The following EYS variants were observed in gnomAD, a reference collection of about 807,000 sequenced individuals.
The protein encoded by EYS is EGF-like photoreceptor maintenance factor, also known as protein eyes shut homolog.
EYS carries 250 observed loss-of-function variants against 282.1 expected under a neutral mutation model. The observed-to-expected ratio is 0.89, with a 90% CI of 0.80 to 0.98. EYS has a LOEUF of 0.98. Among genes scored for constraint, EYS ranks in the 50% least tolerant of loss-of-function variants. The pLI is 0.00. For synonymous variants in EYS, 1,355 were observed against 1,282.9 expected (o/e 1.06, Z -1.20); for missense variants, 4,016 against 3,709.0 (o/e 1.08, Z -2.15).
intron 2 of EYS, among the ~76,000 whole-genome samples, chr6:65,519,883 A>G (rs1767299459): frequency 1.6e-5 from 2 of 125,306 alleles, no homozygotes; most frequent in Admixed American, 7.8e-5. Context: ...CACTTGGCTA[A>G]TTTTTCTATT....
intron 12 of EYS, among the ~76,000 whole-genome samples, chr6:65,147,876 G>T (rs774558814): frequency 6.6e-6 from 1 of 152,066 alleles, no homozygotes; most frequent in Non-Finnish European, 1.5e-5. Flanking sequence ...TTACAAGGTG[G>T]CAGGACAGAG....
chr6:65,270,907 C>G (rs1176984025), intron 12 of EYS, among the ~76,000 whole-genome samples: 1 of 151,566 alleles, frequency 6.6e-6, no homozygotes, highest in Non-Finnish European at 1.5e-5. Flanking sequence ...AAAACAGAAA[C>G]TTTCTCTACC....
In EYS at chr6:64,888,911, A is replaced by T. The variant is rs112893081; in HGVS notation, c.2847-2069T>A. Reference sequence around the variant, plus strand: ...GCAGTGAAAGGTATCTCAAGAAATGATTTGTTTCATACTGACAAATTTAAA... The same window carrying T: ...GCAGTGAAAGGTATCTCAAGAAATGTTTTGTTTCATACTGACAAATTTAAA... On this transcript the variant is annotated intron_variant, in intron 18 of 42. Transcript: ENST00000503581. Among the ~76,000 whole-genome samples the T allele has an allele frequency of 4.2e-3, 639 of 152,190 alleles. 2 individuals carry two copies. Among genetic ancestry groups the T allele is most frequent in the African/African-American group, 0.015 (603 of 41,570 alleles).
At chr6:65,443,680 A>G (rs1316164265) in intron 5 of EYS, among the ~76,000 whole-genome samples, 1 of 150,860 alleles carries the variant, frequency 6.6e-6, no homozygotes, top group Non-Finnish European at 1.5e-5. Flanking sequence ...CATCATATAC[A>G]CACATACACA....
intron 2 of EYS, among the ~76,000 whole-genome samples, chr6:65,516,183 G>T (rs1767127877): frequency 6.6e-6 from 1 of 151,952 alleles, no homozygotes; most frequent in African/African-American, 2.4e-5. Context: ...CACATAGCAG[G>T]TTTTCAGTTA....
chr6:64,027,429 A>G (rs6901967), intron 33 of EYS, among the ~76,000 whole-genome samples: 65,714 of 151,900 alleles, frequency 0.43, 15,602 homozygotes, highest in African/African-American at 0.64. Flanking sequence ...TCAGGAGGAA[A>G]CTCCAAAAGC....
chr6:64,528,584 C>T (rs567390781), intron 26 of EYS, among the ~76,000 whole-genome samples: 140 of 151,928 alleles, frequency 9.2e-4, no homozygotes, highest in Non-Finnish European at 2.7e-4. Flanking sequence ...ACTAGTCATT[C>T]ATGTCAAAAA....
intron 5 of EYS, among the ~76,000 whole-genome samples, chr6:65,453,915 C>T (rs899185801): frequency 6.6e-6 from 1 of 151,852 alleles, no homozygotes; most frequent in Non-Finnish European, 1.5e-5. Flanking sequence ...GTATTTTCTT[C>T]ATCCATTCGT....
At chr6:64,206,987 G>A (rs1012592876) in intron 31 of EYS, among the ~76,000 whole-genome samples, 5 of 151,944 alleles carry the variant, frequency 3.3e-5, no homozygotes, top group African/African-American at 9.7e-5. Flanking sequence ...CTTCCACCCC[G>A]TAATAGGCCC....
chr6:64,373,821 G>T (rs1186956480), intron 29 of EYS, among the ~76,000 whole-genome samples: 1 of 152,138 alleles, frequency 6.6e-6, no homozygotes, highest in African/African-American at 2.4e-5. Context: ...TTCCCACCTG[G>T]CTATCGGTGG....
chr6:64,008,096 G>A (rs1184990590), intron 33 of EYS, among the ~76,000 whole-genome samples: 3 of 152,068 alleles, frequency 2.0e-5, no homozygotes, highest in African/African-American at 7.2e-5. Flanking sequence ...TCCCACTATT[G>A]TTGTATGGTT....
chr6:65,635,702 G>A (rs912442951), intron 2 of EYS, among the ~76,000 whole-genome samples: 2 of 152,162 alleles, frequency 1.3e-5, no homozygotes, highest in African/African-American at 4.8e-5. Flanking sequence ...AGGCTAGGGG[G>A]AAGAGCTAAG....
chr6:65,361,682 T>C (rs1270903200), intron 8 of EYS, among the ~76,000 whole-genome samples: 1 of 152,048 alleles, frequency 6.6e-6, no homozygotes, highest in Non-Finnish European at 1.5e-5. Context: ...GGTTTTGCTA[T>C]GTTGCTCAGG....
chr6:64,486,576 A>G (rs2150503027), intron 26 of EYS, among the ~76,000 whole-genome samples: 1 of 151,602 alleles, frequency 6.6e-6, no homozygotes, highest in East Asian at 1.9e-4. Context: ...GCACATTGGC[A>G]GAGCAGCAGG....
intron 33 of EYS, among the ~76,000 whole-genome samples, chr6:64,027,760 G>A (rs1338601645): frequency 6.6e-6 from 1 of 152,200 alleles, no homozygotes; most frequent in Non-Finnish European, 1.5e-5. Flanking sequence ...TGCCCCAGAG[G>A]ACAAAGTTTC....
At chr6:65,555,793 A>G (rs1470681430) in intron 2 of EYS, among the ~76,000 whole-genome samples, 1 of 152,230 alleles carries the variant, frequency 6.6e-6, no homozygotes, top group African/African-American at 2.4e-5. Context: ...GTAAAATTTG[A>G]GTAGTTCAAA....
rs146325719 is a variant in EYS at position 64,686,078 on chromosome 6, G to T, written c.3444-59833C>A. 7.6e-3 allele frequency among the ~76,000 whole-genome samples: 1,145 copies of T among 150,332 alleles called. 11 individuals carry two copies. Among genetic ancestry groups the T allele is most frequent in the African/African-American group, 0.025 (1,016 of 40,600 alleles). ...CAAATGAAAAAAACAAGAGAAATTA[G>T]AAAATACTTTTAACATTAAAAACAT... is the stretch of plus-strand genomic sequence containing the variant. On this transcript the variant is annotated intron_variant, in intron 22 of 42. Coordinates refer to ENST00000503581, the MANE Select transcript of EYS (RefSeq NM_001142800.2).
At chr6:64,324,688 A>C (rs1053241914) in intron 29 of EYS, among the ~76,000 whole-genome samples, 1 of 152,216 alleles carries the variant, frequency 6.6e-6, no homozygotes, top group Non-Finnish European at 1.5e-5. Flanking sequence ...TCTTTCTTCA[A>C]TGTGATGGGA....
intron 14 of EYS, among the ~76,000 whole-genome samples, chr6:64,991,426 T>C (rs1364833039): frequency 6.6e-6 from 1 of 151,618 alleles, no homozygotes; most frequent in African/African-American, 2.4e-5. Flanking sequence ...TAACTACTGA[T>C]GATGTTGCAG....
Sources: allele counts gnomAD v4.1 joint callset (sites outside exome capture counted in the v4.1 genomes callset), GRCh38; gene constraint gnomAD v4.1.1; transcripts MANE v1.5; gene names NCBI Gene and HGNC (gene_info 2026-07-23, HGNC 2026-07-21).